Variants in IRX1 observed in about 807,000 individuals in gnomAD.
IRX1 encodes the protein iroquois homeobox 1.
A neutral mutation model predicts 34.1 loss-of-function variants in IRX1; 22 were observed. That is an observed-to-expected ratio of 0.64 (90% CI 0.46 to 0.92). IRX1 has a LOEUF of 0.92. Among genes scored for constraint, IRX1 ranks in the 40% least tolerant of loss-of-function variants. IRX1 has a pLI of 0.00. For synonymous variants in IRX1, 363 were observed against 319.0 expected, an observed-to-expected ratio of 1.14 and a Z score of -1.47; for missense variants, 758 against 680.0, an observed-to-expected ratio of 1.11 and a Z score of -1.28.
chr5:3,596,571 G>A (rs1055298180), intron 1 of IRX1, among the ~76,000 whole-genome samples, 190 bp downstream of exon 1: 1 of 152,174 alleles, frequency 6.6e-6, no homozygotes, highest in Non-Finnish European at 1.5e-5. Context: ...AGGCCGGGCG[G>A]GTGACGGCTG....
In IRX1 at chr5:3,600,688, G is replaced by C. The variant is rs751800907; in HGVS notation, c.1385+7G>C. The stretch of plus-strand genomic sequence containing the variant: ...TCCAGCCGGTACGCGACAAGTGAGT[G>C]CTGTTTGCTTTTGCTATGGGAGAAG... On this transcript the variant is annotated splice_region_variant and intron_variant, in intron 3 of 3. Transcript: ENST00000302006. 1.2e-6 allele frequency: 2 copies of C among 1,613,122 alleles called. No homozygotes were observed. Among genetic ancestry groups the C allele is most frequent in the Admixed American group, 3.3e-5 (2 of 60,022 alleles).
In IRX1 at chr5:3,601,234, C is replaced by A. The variant is rs1055187082; in HGVS notation, c.*194C>A. 3.6e-5 allele frequency: 22 copies of A among 612,196 alleles called. No individual in the cohort carries two copies. The highest frequency in any genetic ancestry group is 5.2e-5 in the Non-Finnish European group (18 of 344,930). 37.9% of individuals were successfully genotyped at this position (612,196 alleles called of 1,614,324 possible). ...CGAGCTCGCGTCCAGGTGGCCAGGCCTCTGCCGGCGGCTCCAGTGGCTGCG... is the reference window on the plus strand; with the variant it reads ...CGAGCTCGCGTCCAGGTGGCCAGGCATCTGCCGGCGGCTCCAGTGGCTGCG... On this transcript the variant is annotated 3_prime_UTR_variant, in exon 4 of 4. Coordinates refer to ENST00000302006, the MANE Select transcript of IRX1 (RefSeq NM_024337.4).
Position 3,600,982 on chromosome 5 carries a change from G to A in IRX1, c.1386-1G>A. The A allele has an allele frequency of 1.9e-6, 3 of 1,613,030 alleles. No individual in the cohort carries two copies. Among genetic ancestry groups the A allele is most frequent in the Non-Finnish European group, 2.5e-6 (3 of 1,179,678 alleles). On this transcript the variant is annotated splice_acceptor_variant, in intron 3 of 3. Coordinates refer to ENST00000302006, the MANE Select transcript of IRX1 (RefSeq NM_024337.4). LOFTEE classifies it high-confidence loss of function. ...CTTGTCTCGCTGTGTTTCCCATGCA[G>A]CTCTCTGGCCCCGCAGGAGGGAACG...
At position 3,599,786 on chromosome 5, in the gene IRX1, T is replaced by G. The variant is rs1733908764; in HGVS notation, c.838T>G (p.Ser280Ala). 1 of 1,603,366 alleles carries G rather than the reference T, an allele frequency of 6.2e-7. No homozygotes were observed. The highest frequency in any genetic ancestry group is 8.5e-7 in the Non-Finnish European group (1 of 1,176,074). The change falls in exon 2 of 4, where the codon TCG (serine) becomes GCG (alanine). Residue 280 changes from serine to alanine, a missense_variant. Ser to Ala is a moderately conservative substitution (Grantham distance 99). Transcript: ENST00000302006. The surrounding 1 kb of genome is among the most constrained non-coding windows in gnomAD (Gnocchi z 6.6). Reference protein sequence around the residue: ...AAADVLKPQDSPLGLAKEAPE... With the variant: ...AAADVLKPQDAPLGLAKEAPE... Reference sequence around the variant, plus strand: ...AGCCGACGTTCTCAAGCCCCAGGACTCGCCCTTGGGCCTGGCAAAGGAGGC... The same window carrying G: ...AGCCGACGTTCTCAAGCCCCAGGACGCGCCCTTGGGCCTGGCAAAGGAGGC...
At chr5:3,598,636 G>A (rs1174508637) in intron 1 of IRX1, among the ~76,000 whole-genome samples, 1 of 152,172 alleles carries the variant, frequency 6.6e-6, no homozygotes, top group Non-Finnish European at 1.5e-5. Flanking sequence ...AGATTAATTT[G>A]GAAGGCAAAG....
chr5:3,599,759 G>A lies in IRX1; in HGVS notation c.811G>A (p.Ala271Thr), dbSNP rs1425278223. The A allele has an allele frequency of 6.2e-7, 1 of 1,609,544 alleles. No individual in the cohort carries two copies. Among genetic ancestry groups the A allele is most frequent in the Non-Finnish European group, 8.5e-7 (1 of 1,178,968 alleles). ...LARDQGSPLA[A>T]ADVLKPQDSP... ...CCGGGACCAAGGCTCGCCGCTGGCA[G>A]CAGCCGACGTTCTCAAGCCCCAGGA... The change falls in exon 2 of 4, where the codon GCA (alanine) becomes ACA (threonine). Residue 271 changes from alanine (A) to threonine (T), a missense_variant. By Grantham distance (58) the Ala-to-Thr change is moderately conservative. This residue lies in a region of IRX1 where 529 missense variants were observed against 418.8 expected (regional missense o/e 1.26). Coordinates refer to ENST00000302006, the MANE Select transcript of IRX1 (RefSeq NM_024337.4). This position sits in a 1 kb window ranked among gnomAD's most constrained non-coding sequence, Gnocchi z 6.6.
intron 1 of IRX1, among the ~76,000 whole-genome samples, chr5:3,596,841 T>G (rs757553935): frequency 1.9e-4 from 29 of 152,150 alleles, no homozygotes; most frequent in Admixed American, 2.0e-4. Context: ...TCTGGAAAAC[T>G]TGGTTTTCTC....
At chr5:3,600,904 C>G (rs888628672) in intron 3 of IRX1, 79 bp from the exon 4 acceptor site, 6 of 1,470,992 alleles carry the variant, frequency 4.1e-6, no homozygotes, top group African/African-American at 1.4e-5. Flanking sequence ...GGCTCCGCTA[C>G]TGGAACCGGC....
intron 3 of IRX1, 53 bp from the exon 4 acceptor site, chr5:3,600,930 G>A (rs1298049304): frequency 6.4e-7 from 1 of 1,569,976 alleles, no homozygotes; most frequent in African/African-American, 1.4e-5. Flanking sequence ...CCGGCGCTGC[G>A]TCCCCCACTC....
At chr5:3,598,370 G>A (rs1221269112) in intron 1 of IRX1, among the ~76,000 whole-genome samples, 1 of 152,180 alleles carries the variant, frequency 6.6e-6, no homozygotes, top group East Asian at 1.9e-4. Flanking sequence ...CAAACAGCTA[G>A]TGTTTGCTCC....
intron 2 of IRX1, 100 bp downstream of exon 2, chr5:3,600,360 G>A (rs1044309137): frequency 1.7e-6 from 2 of 1,199,534 alleles, no homozygotes; most frequent in African/African-American, 3.1e-5. Context: ...GAGGGTACCA[G>A]GCAGTGGCCG....
chr5:3,597,421 G>T (rs1336604093), intron 1 of IRX1, among the ~76,000 whole-genome samples: 2 of 152,190 alleles, frequency 1.3e-5, no homozygotes, highest in African/African-American at 4.8e-5. Context: ...ATATCTCCCC[G>T]CTCCCCGCAG....
intron 1 of IRX1, among the ~76,000 whole-genome samples, chr5:3,598,000 T>C (rs997529482): frequency 6.6e-6 from 1 of 152,078 alleles, no homozygotes; most frequent in Admixed American, 6.6e-5. Context: ...AGGGAGATGT[T>C]TGCTGTTCTG....
chr5:3,600,080 G>A lies in IRX1; in HGVS notation c.1132G>A (p.Ala378Thr), dbSNP rs1429660571. The change falls in exon 2 of 4, where the codon GCA becomes ACA. Residue 378 changes from alanine (A) to threonine (T), a missense_variant. This residue lies in a region of IRX1 where 529 missense variants were observed against 418.8 expected (regional missense o/e 1.26). Transcript: ENST00000302006. ...CAAGTTCTCCAACTGGACCAACAGCGCATTCCTCGCACAGGGCTCCCTGCT... is the reference window on the plus strand; with the variant it reads ...CAAGTTCTCCAACTGGACCAACAGCACATTCCTCGCACAGGGCTCCCTGCT... ...IGKFSNWTNS[A>T]FLAQGSLLNM... 1.2e-6 allele frequency: 2 copies of A among 1,612,422 alleles called. No homozygotes were observed. The highest frequency in any genetic ancestry group is 8.5e-7 in the Non-Finnish European group (1 of 1,179,466).
chr5:3,597,874 A>AT (rs1733827526), intron 1 of IRX1, among the ~76,000 whole-genome samples: 1 of 152,080 alleles, frequency 6.6e-6, no homozygotes, highest in Non-Finnish European at 1.5e-5. Flanking sequence ...GAGGATGAAT[A>AT]TTTTTTACAG....
chr5:3,596,591 G>T (rs188900303), intron 1 of IRX1, among the ~76,000 whole-genome samples: 1 of 152,240 alleles, frequency 6.6e-6, no homozygotes, highest in East Asian at 1.9e-4. Context: ...GGGCCATCTC[G>T]GCCTGGGAAA....
At chr5:3,597,640 T>G (rs562858107) in intron 1 of IRX1, among the ~76,000 whole-genome samples, 3 of 152,312 alleles carry the variant, frequency 2.0e-5, no homozygotes, top group African/African-American at 7.2e-5. Context: ...GAATTCCCAG[T>G]GGAGACGAGG....
Position 3,601,011 on chromosome 5 carries a change from C to A in IRX1, c.1414C>A (p.Arg472=), listed in dbSNP as rs1733952006. ...NSLAPQEGTP[R]ILAALPSA Reference sequence around the variant, plus strand: ...TCTGGCCCCGCAGGAGGGAACGCCGCGGATCCTAGCAGCCCTCCCGTCCGC... The same window carrying A: ...TCTGGCCCCGCAGGAGGGAACGCCGAGGATCCTAGCAGCCCTCCCGTCCGC... The change falls in exon 4 of 4, where the codon CGG becomes AGG. Residue 472 remains arginine, a synonymous_variant. Coordinates refer to ENST00000302006, the MANE Select transcript of IRX1 (RefSeq NM_024337.4). 6.3e-7 allele frequency: 1 copy of A among 1,592,838 alleles called. No homozygotes were observed. Among genetic ancestry groups the A allele is most frequent in the South Asian group, 1.1e-5 (1 of 90,610 alleles).
rs780118042 is a variant in IRX1 at position 3,599,709 on chromosome 5, C to T, written c.761C>T (p.Ala254Val). The change falls in exon 2 of 4, where the codon GCG becomes GTG. Residue 254 changes from alanine to valine, a missense_variant. Physicochemically the swap from Ala to Val is moderately conservative, Grantham distance 64. Transcript: ENST00000302006. The surrounding 1 kb of genome is among the most constrained non-coding windows in gnomAD (Gnocchi z 6.6). ...DDEDKAEAPH[A>V]PAAPSALARD... ...GAGGACAAGGCCGAGGCTCCGCACG[C>T]GCCCGCAGCCCCTTCTGCTCTTGCC... 3.1e-6 allele frequency: 5 copies of T among 1,612,688 alleles called. No homozygotes were observed. Among genetic ancestry groups the T allele is most frequent in the Non-Finnish European group, 4.2e-6 (5 of 1,179,974 alleles).
Sources: allele counts gnomAD v4.1 joint callset (sites outside exome capture counted in the v4.1 genomes callset), GRCh38; gene constraint gnomAD v4.1.1; regional missense constraint gnomAD v4.1.1; non-coding constraint Gnocchi (gnomAD v3.1); transcripts MANE v1.5; gene names NCBI Gene and HGNC (gene_info 2026-07-23, HGNC 2026-07-21).